Variants in SLMAP observed in about 807,000 individuals in gnomAD.
SLMAP encodes sarcolemma associated protein, also known as sarcolemmal membrane-associated protein.
A neutral mutation model predicts 128.8 loss-of-function variants in SLMAP; 44 were observed. The observed-to-expected ratio is 0.34, with a 90% CI of 0.27 to 0.44. The LOEUF is 0.44. Ranked by LOEUF, SLMAP falls within the 20% of genes least tolerant of loss-of-function variation. The probability of loss-of-function intolerance (pLI) is 1.00; values close to 1 mark genes in which losing one functional copy is unlikely to be tolerated. For missense variants in SLMAP, 787 were observed against 985.3 expected (o/e 0.80, Z 2.69); for synonymous variants, 327 against 348.8 (o/e 0.94, Z 0.70).
chr3:57,780,152 T>C (rs1425433984), intron 2 of SLMAP, among the ~76,000 whole-genome samples: 2 of 151,736 alleles, frequency 1.3e-5, no homozygotes, highest in Non-Finnish European at 2.9e-5. Flanking sequence ...GCCCCTCCCT[T>C]CTTTTTTTTT....
intron 14 of SLMAP, among the ~76,000 whole-genome samples, chr3:57,875,268 A>T (rs990835947): frequency 1.3e-5 from 2 of 152,234 alleles, no homozygotes; most frequent in Non-Finnish European, 2.9e-5. Context: ...TCATACCTGT[A>T]ATCTCAGCAC....
In SLMAP at chr3:57,927,618, T is replaced by C. The variant is rs758667244; in HGVS notation, c.*329T>C. 1.2e-5 allele frequency: 3 copies of C among 256,320 alleles called. No individual in the cohort carries two copies. The highest frequency in any genetic ancestry group is 2.2e-5 in the Non-Finnish European group (3 of 136,616). The allele number at this position is 256,320 out of a possible 1,614,324, so 15.9% of individuals were successfully genotyped here. A position where few individuals can be genotyped will look rare whatever the true frequency, so the allele number is the denominator to read the frequency against. Reference sequence around the variant, plus strand: ...GCAATAATTTGCTTGCAATTTTTCATGTAATTTTTAAATTAGTATGTTAAG... The same window carrying C: ...GCAATAATTTGCTTGCAATTTTTCACGTAATTTTTAAATTAGTATGTTAAG... On this transcript the variant is annotated 3_prime_UTR_variant, in exon 25 of 25. Coordinates refer to ENST00000671191, the MANE Select transcript of SLMAP (RefSeq NM_001377540.1).
intron 2 of SLMAP, among the ~76,000 whole-genome samples, chr3:57,806,444 TTC>T (rs1314071209): frequency 1.3e-5 from 2 of 152,140 alleles, no homozygotes; most frequent in Non-Finnish European, 2.9e-5. Flanking sequence ...TTCTTTTCTT[TTC>T]TTTTTTTTTG....
intron 2 of SLMAP, among the ~76,000 whole-genome samples, chr3:57,763,163 C>T (rs867173040): frequency 1.6e-4 from 24 of 152,068 alleles, no homozygotes; most frequent in African/African-American, 4.3e-4. Flanking sequence ...TTTGGGGTAC[C>T]GGTGACATGC....
intron 4 of SLMAP, among the ~76,000 whole-genome samples, chr3:57,845,847 C>CT (rs112434522): frequency 4.9e-4 from 71 of 145,824 alleles, no homozygotes; most frequent in South Asian, 1.3e-3. Flanking sequence ...TCCCCCCCAC[C>CT]TTTTTTTTTT....
intron 6 of SLMAP, among the ~76,000 whole-genome samples, chr3:57,857,379 C>G (rs552888121): frequency 6.6e-6 from 1 of 152,118 alleles, no homozygotes; most frequent in Non-Finnish European, 1.5e-5. Context: ...TATACACATA[C>G]CTATGATAAA....
intron 16 of SLMAP, 70 bp from the exon 17 acceptor site, chr3:57,896,803 G>T: frequency 6.7e-7 from 1 of 1,495,946 alleles, no homozygotes; most frequent in South Asian, 1.4e-5. Context: ...TGTTTGTTTT[G>T]ATAACAATAG....
chr3:57,906,310 CTTTTT>C lies in SLMAP; in HGVS notation c.1502-1556_1502-1552del, dbSNP rs999042505. Among the ~76,000 whole-genome samples the C allele has an allele frequency of 5.7e-4, 27 of 47,034 alleles. No homozygotes were observed. In the East Asian group the frequency reaches 7.8e-3, roughly 14 times the overall value. The allele number at this position is 47,034 out of a possible 152,430, so 30.9% of individuals were successfully genotyped here. A position where few individuals can be genotyped will look rare whatever the true frequency, so the allele number is the denominator to read the frequency against. ...GAATCAAATTTTTTTCTTTTTTTTT[CTTTTT>C]TTTTTTTTTTTTTTTTTAGAGACAC... On this transcript the variant is annotated intron_variant, in intron 17 of 24. Coordinates refer to ENST00000671191, the MANE Select transcript of SLMAP (RefSeq NM_001377540.1).
intron 2 of SLMAP, among the ~76,000 whole-genome samples, chr3:57,766,383 G>A (rs887974810): frequency 6.6e-6 from 1 of 151,910 alleles, no homozygotes; most frequent in Non-Finnish European, 1.5e-5. Flanking sequence ...GGTAAGTAGG[G>A]AAGAGAATGT....
At chr3:57,888,857 A>G (rs1236293989) in intron 14 of SLMAP, among the ~76,000 whole-genome samples, 1 of 152,110 alleles carries the variant, frequency 6.6e-6, no homozygotes, top group African/African-American at 2.4e-5. Context: ...CTTACATTAT[A>G]CATCTTAATC....
chr3:57,830,322 C>A lies in SLMAP; in HGVS notation c.199-1061C>A, dbSNP rs562491210. 8.5e-5 allele frequency among the ~76,000 whole-genome samples: 13 copies of A among 152,268 alleles called. No homozygotes were observed. The East Asian group carries it at 2.5e-3, about 29-fold the overall frequency. ...CACACCTGGCCTAAAATAGTAATAT[C>A]TTTATCATAGCTTTAATGTTAAATG... On this transcript the variant is annotated intron_variant, in intron 2 of 24. Transcript: ENST00000671191.
intron 3 of SLMAP, among the ~76,000 whole-genome samples, chr3:57,840,354 G>T (rs1013979929): frequency 2.0e-5 from 3 of 152,170 alleles, no homozygotes; most frequent in Non-Finnish European, 2.9e-5. Context: ...AATATATATG[G>T]TCTCATAACC....
At chr3:57,875,796 G>A (rs2095592626) in intron 14 of SLMAP, among the ~76,000 whole-genome samples, 1 of 152,204 alleles carries the variant, frequency 6.6e-6, no homozygotes, top group Non-Finnish European at 1.5e-5. Flanking sequence ...GGTTTGACTT[G>A]TCAGAAGGGA....
intron 23 of SLMAP, among the ~76,000 whole-genome samples, chr3:57,923,355 G>A (rs2096949440): frequency 6.6e-6 from 1 of 152,128 alleles, no homozygotes; most frequent in African/African-American, 2.4e-5. Flanking sequence ...CTCCCCTGCT[G>A]GGAAATGAAG....
chr3:57,844,749 CAG>C (rs2094158826), intron 4 of SLMAP, among the ~76,000 whole-genome samples: 1 of 129,550 alleles, frequency 7.7e-6, no homozygotes, highest in Admixed American at 8.9e-5. Context: ...GAGTCTTGCT[CAG>C]TTGCCCAGGC....
intron 2 of SLMAP, among the ~76,000 whole-genome samples, chr3:57,792,060 A>G (rs1342309830): frequency 6.6e-6 from 1 of 152,136 alleles, no homozygotes; most frequent in Non-Finnish European, 1.5e-5. Flanking sequence ...AAATATGTGA[A>G]TTAAGCTAAC....
chr3:57,840,531 T>A (rs183979061), intron 3 of SLMAP, among the ~76,000 whole-genome samples: 2 of 152,316 alleles, frequency 1.3e-5, no homozygotes, highest in African/African-American at 4.8e-5. Flanking sequence ...AACAATTTTT[T>A]AAAATTAAAC....
At chr3:57,919,864 TTACTTG>T in intron 22 of SLMAP, among the ~76,000 whole-genome samples, 1 of 151,766 alleles carries the variant, frequency 6.6e-6, no homozygotes, top group South Asian at 2.1e-4. Context: ...CTCAAGAAAG[TTACTTG>T]GCTTTACCTT....
intron 6 of SLMAP, 39 bp from the exon 7 acceptor site, chr3:57,857,694 T>G: frequency 2.1e-5 from 27 of 1,316,014 alleles, no homozygotes; most frequent in Non-Finnish European, 3.0e-5. Flanking sequence ...AGAATCATGA[T>G]GAGCTTATTA....
Sources: allele counts gnomAD v4.1 joint callset (sites outside exome capture counted in the v4.1 genomes callset), GRCh38; gene constraint gnomAD v4.1.1; transcripts MANE v1.5; gene names NCBI Gene and HGNC (gene_info 2026-07-23, HGNC 2026-07-21).